The following BTAF1 variants were observed in gnomAD, a reference collection of about 807,000 sequenced individuals.
BTAF1 encodes the protein B-TFIID TATA-box binding protein associated factor 1.
In BTAF1, 38 loss-of-function variants were observed where a neutral mutation model predicts 227.1. The ratio of observed to expected loss-of-function variants is 0.17; its 90% CI spans 0.13 to 0.22. BTAF1 has a LOEUF of 0.22. Ranked by LOEUF, BTAF1 falls within the 10% of genes least tolerant of loss-of-function variation. The pLI is 1.00. For missense variants in BTAF1, 1,598 were observed against 2,204.0 expected (o/e 0.73, Z 5.51); for synonymous variants, 742 against 751.9 (o/e 0.99, Z 0.21).
chr10:91,957,386 ATTC>A (rs1416729131), intron 8 of BTAF1, 93 bp downstream of exon 8: 1 of 1,010,166 alleles, frequency 9.9e-7, no homozygotes, highest in Middle Eastern at 2.2e-4. Flanking sequence ...CAGAGTCCCT[ATTC>A]TTCTCTGTTT....
At chr10:91,976,688 G>A (rs1196127959) in intron 14 of BTAF1, among the ~76,000 whole-genome samples, 1 of 152,138 alleles carries the variant, frequency 6.6e-6, no homozygotes, top group Admixed American at 6.6e-5. Flanking sequence ...TTATATTACA[G>A]TATCACAATT....
chr10:92,025,433 C>A (rs1373044540), intron 35 of BTAF1, among the ~76,000 whole-genome samples: 1 of 150,054 alleles, frequency 6.7e-6, no homozygotes, highest in East Asian at 1.9e-4. Context: ...TCAGTGGTTG[C>A]TTTTTTTTTT....
chr10:91,991,918 C>A, intron 20 of BTAF1, among the ~76,000 whole-genome samples: 1 of 151,442 alleles, frequency 6.6e-6, no homozygotes, highest in South Asian at 2.1e-4. Context: ...GATGGCTCTG[C>A]AACCTGGATT....
At chr10:91,982,309 C>T in intron 17 of BTAF1, 84 bp downstream of exon 17, 7 of 1,568,664 alleles carry the variant, frequency 4.5e-6, no homozygotes, top group African/African-American at 1.4e-5. Flanking sequence ...GATTCCTCTG[C>T]TGTCTCCATC....
At chr10:92,009,255 TTAAGA>T (rs1850142616) in intron 28 of BTAF1, 47 bp downstream of exon 28, 4 of 1,572,302 alleles carry the variant, frequency 2.5e-6, no homozygotes, top group Middle Eastern at 1.7e-4. Flanking sequence ...GTTGTCATAA[TTAAGA>T]TAAGGAACAG....
At chr10:91,973,008 A>C (rs1369043199) in intron 14 of BTAF1, among the ~76,000 whole-genome samples, 5 of 152,224 alleles carry the variant, frequency 3.3e-5, no homozygotes, top group African/African-American at 1.2e-4. Flanking sequence ...AATTTGGATG[A>C]AAGATCATTG....
chr10:92,015,951 T>C (rs1395074881), intron 32 of BTAF1, among the ~76,000 whole-genome samples: 1 of 152,204 alleles, frequency 6.6e-6, no homozygotes, highest in Non-Finnish European at 1.5e-5. Flanking sequence ...TGTAACTTCA[T>C]TTAAGGAAGA....
At chr10:91,963,851 G>T (rs1298670604) in intron 12 of BTAF1, among the ~76,000 whole-genome samples, 1 of 152,074 alleles carries the variant, frequency 6.6e-6, no homozygotes, top group East Asian at 1.9e-4. Flanking sequence ...GTCTGGTCAG[G>T]CAGGGAAGTA....
rs202087486 is a variant in BTAF1, at chr10:92,009,226, A to G, written c.4103+18A>G. ...AGAATAAGGTAAGAGTTGTATGACA[A>G]TAACAAAATATTTCATCTGTTGTCA... On this transcript the variant is annotated intron_variant, in intron 28 of 37. Transcript: ENST00000265990. 1.6e-5 allele frequency: 25 copies of G among 1,602,474 alleles called. 1 individual carries two copies. The highest frequency in any genetic ancestry group is 1.0e-4 in the South Asian group (9 of 89,986).
chr10:92,021,114 T>G (rs779849605), intron 34 of BTAF1, among the ~76,000 whole-genome samples: 1 of 152,206 alleles, frequency 6.6e-6, no homozygotes, highest in Non-Finnish European at 1.5e-5. Context: ...TAAATCTAAA[T>G]ATGTATATGC....
intron 4 of BTAF1, among the ~76,000 whole-genome samples, chr10:91,950,896 G>T (rs1589789318): frequency 7.7e-6 from 1 of 130,312 alleles, no homozygotes; most frequent in South Asian, 2.4e-4. Flanking sequence ...GCAGTGTTTT[G>T]ATCACAGCTC....
chr10:91,972,506 A>G (rs1847376549), intron 14 of BTAF1, among the ~76,000 whole-genome samples: 1 of 152,188 alleles, frequency 6.6e-6, no homozygotes. Context: ...TTTTATCTAA[A>G]TCATTGTTTA....
chr10:92,007,210 C>CTTTT (rs969389265), intron 25 of BTAF1, among the ~76,000 whole-genome samples: 2,035 of 61,276 alleles, frequency 0.033, 291 homozygotes, highest in Non-Finnish European at 0.054. Context: ...TATTTTTTGT[C>CTTTT]TTTTTTTTTT....
At chr10:91,943,525 C>A (rs560658088) in intron 4 of BTAF1, among the ~76,000 whole-genome samples, 1 of 152,024 alleles carries the variant, frequency 6.6e-6, no homozygotes, top group African/African-American at 2.4e-5. Context: ...GCTAATTAAT[C>A]GTCATTTAGA....
chr10:92,011,080 C>T lies in BTAF1; in HGVS notation c.4111C>T (p.His1371Tyr), dbSNP rs747480854. The part of the protein sequence containing the change: ...GPPTERIRLQ[H>Y]QVKRHNLIVA... ...ATTCATTTCTAAATAAAGGTTACAG[C>T]ACCAAGTAAAAAGGCACAATCTAAT... Residue 1371 changes from histidine to tyrosine, a missense_variant, in exon 29 of 38, where the codon CAC (histidine) becomes TAC (tyrosine). Coordinates refer to ENST00000265990, the MANE Select transcript of BTAF1 (RefSeq NM_003972.3). 5 of 1,603,394 alleles carry T rather than the reference C, an allele frequency of 3.1e-6. No homozygotes were observed. The highest frequency in any genetic ancestry group is 2.3e-5 in the South Asian group (2 of 88,654).
intron 20 of BTAF1, among the ~76,000 whole-genome samples, chr10:91,991,669 C>T (rs538762874): frequency 2.0e-5 from 3 of 151,294 alleles, no homozygotes; most frequent in Admixed American, 1.3e-4. Context: ...AGGATTGGAT[C>T]TCTTGAGCCC....
intron 25 of BTAF1, among the ~76,000 whole-genome samples, chr10:92,004,611 G>A (rs1019172064): frequency 8.5e-5 from 13 of 152,112 alleles, no homozygotes; most frequent in African/African-American, 3.1e-4. Flanking sequence ...GGGACTACAG[G>A]TGTGTGCCAC....
At position 91,923,811 on chromosome 10, in the gene BTAF1, G is replaced by A. The variant is rs1300859047; in HGVS notation, c.-266G>A. 17 of 422,144 alleles carry A rather than the reference G, an allele frequency of 4.0e-5. No homozygotes were observed. The highest frequency in any genetic ancestry group is 7.2e-5 in the Non-Finnish European group (17 of 237,582). 26.1% of individuals were successfully genotyped at this position (422,144 alleles called of 1,614,324 possible). ...GCCCGCGTCAGCAAAGAGCGGAGCT[G>A]AGGGTACCCGGTTTGAAGTCGTGCG... On this transcript the variant is annotated 5_prime_UTR_variant, in exon 1 of 38. Transcript: ENST00000265990.
chr10:91,932,919 A>G lies in BTAF1; in HGVS notation c.15-2738A>G, dbSNP rs185529055. On this transcript the variant is annotated intron_variant, in intron 1 of 37. Coordinates refer to ENST00000265990, the MANE Select transcript of BTAF1 (RefSeq NM_003972.3). The stretch of plus-strand genomic sequence containing the variant: ...GGTGTATCTGGTTAAATTCCAGGTG[A>G]TATACCCATATTCTCAGCTGTGCCT... Among the ~76,000 whole-genome samples the G allele has an allele frequency of 1.3e-3, 193 of 152,348 alleles. 1 individual carries two copies. The highest frequency in any genetic ancestry group is 1.9e-3 in the Non-Finnish European group (129 of 68,018).
Sources: gnomAD v4.1 joint callset for allele counts (sites outside exome capture counted in the v4.1 genomes callset) on GRCh38, gnomAD v4.1.1 for gene constraint, MANE v1.5 for transcripts, NCBI Gene and HGNC (gene_info 2026-07-23, HGNC 2026-07-21) for gene names.